The following MYBBP1A variants were observed in gnomAD, a reference collection of about 807,000 sequenced individuals.
MYBBP1A encodes the protein myb-binding protein 1A.
A neutral mutation model predicts 136.3 loss-of-function variants in MYBBP1A; 147 were observed. The ratio of observed to expected loss-of-function variants is 1.08; its 90% CI spans 0.94 to 1.24. MYBBP1A has a LOEUF of 1.24. Among genes scored for constraint, MYBBP1A ranks in the 50% most tolerant of loss-of-function variants. The pLI is 0.00. For synonymous variants in MYBBP1A, 947 were observed against 735.8 expected, an observed-to-expected ratio of 1.29 and a Z score of -4.65; for missense variants, 2,060 against 1,727.4, an observed-to-expected ratio of 1.19 and a Z score of -3.41.
chr17:4,541,706 C>G, intron 23 of MYBBP1A, 78 bp downstream of exon 23: 1 of 1,483,648 alleles, frequency 6.7e-7, no homozygotes, highest in South Asian at 1.1e-5. Flanking sequence ...GGCTCCAATC[C>G]TCACTTCTTT....
chr17:4,551,813 C>CT (rs1350761705), intron 8 of MYBBP1A, 67 bp downstream of exon 8: 13 of 1,464,312 alleles, frequency 8.9e-6, no homozygotes, highest in Admixed American at 1.8e-5. Context: ...CCCTGCTCCC[C>CT]TTTTTGGCAG....
At chr17:4,551,516 C>G (rs1376409108) in intron 8 of MYBBP1A, among the ~76,000 whole-genome samples, 2 of 152,226 alleles carry the variant, frequency 1.3e-5, no homozygotes, top group Admixed American at 6.5e-5. Flanking sequence ...CGAGACCAGC[C>G]TGGCCAACAT....
At position 4,552,620 on chromosome 17, in the gene MYBBP1A, T is replaced by C; in HGVS notation, c.568A>G (p.Lys190Glu). ...ALVDILSEVS[K>E]ATLQEILPEV... ...GGCAGGATCTCCTGCAATGTGGCCT[T>C]CGAGACCTAAGGATGGAGGGAGAAG... is the stretch of plus-strand genomic sequence containing the variant. Residue 190 changes from lysine (K) to glutamate (E), a missense_variant, in exon 6 of 26, where the codon AAG becomes GAG. Transcript: ENST00000254718. This position sits in a 1 kb window ranked among gnomAD's most constrained non-coding sequence, Gnocchi z 4.7. The C allele has an allele frequency of 6.2e-7, 1 of 1,613,096 alleles. No individual in the cohort carries two copies. Among genetic ancestry groups the C allele is most frequent in the Non-Finnish European group, 8.5e-7 (1 of 1,179,544 alleles).
intron 13 of MYBBP1A, 136 bp downstream of exon 13, chr17:4,547,822 G>T: frequency 1.4e-6 from 1 of 692,702 alleles, no homozygotes. Flanking sequence ...GACAAAGTTG[G>T]CTTCAAAAAC....
In MYBBP1A at chr17:4,539,833, G is replaced by A. The variant is rs760205825; in HGVS notation, c.3569C>T (p.Thr1190Met). Residue 1190 changes from threonine (T) to methionine (M), a missense_variant, in exon 26 of 26, where the codon ACG (threonine) becomes ATG (methionine). Transcript: ENST00000254718. ...KRKKRKSEDG[T>M]PAEDGTPAAT... ...TGCAGGTGTGCCATCCTCCGCTGGC[G>A]TGCCATCCTCTGACTTGCGTTTCTT... 28 of 1,610,160 alleles carry A rather than the reference G, an allele frequency of 1.7e-5. No homozygotes were observed. Among genetic ancestry groups the A allele is most frequent in the Non-Finnish European group, 1.8e-5 (21 of 1,180,006 alleles).
chr17:4,541,439 C>T (rs757869314), intron 24 of MYBBP1A, 24 bp downstream of exon 24: 1 of 1,605,080 alleles, frequency 6.2e-7, no homozygotes, highest in East Asian at 2.2e-5. Context: ...CCGAACACGA[C>T]CGCGGACTGG....
chr17:4,553,402 C>T (rs1400507388), intron 5 of MYBBP1A, among the ~76,000 whole-genome samples: 2 of 152,240 alleles, frequency 1.3e-5, no homozygotes, highest in Non-Finnish European at 1.5e-5. Context: ...ATACTTGCCA[C>T]GTGCCAGGCA....
In MYBBP1A at chr17:4,545,132, T is replaced by C. The variant is rs1296704946; in HGVS notation, c.2204A>G (p.Glu735Gly). ...GCTCTCCTCCCCCTCGCTCTCCTCT[T>C]CACTCTCTGAGCTTCTGTTGTCCTC... ...EGEDNRSSES[E>G]EESEGEESEE... Residue 735 changes from glutamate to glycine, a missense_variant, in exon 17 of 26, where the codon GAA becomes GGA. Glu to Gly is a moderately conservative substitution (Grantham distance 98). Coordinates refer to ENST00000254718, the MANE Select transcript of MYBBP1A (RefSeq NM_014520.4). The C allele has an allele frequency of 1.9e-6, 3 of 1,612,820 alleles. No homozygotes were observed. The highest frequency in any genetic ancestry group is 1.7e-6 in the Non-Finnish European group (2 of 1,179,782).
chr17:4,541,955 G>T, intron 22 of MYBBP1A, 64 bp from the exon 23 acceptor site: 1 of 1,367,048 alleles, frequency 7.3e-7, no homozygotes, highest in Non-Finnish European at 1.0e-6. Context: ...GCTCAGGGAT[G>T]CATGAGGGCT....
chr17:4,554,752 C>T (rs1454939785), intron 2 of MYBBP1A, 109 bp downstream of exon 2: 11 of 1,065,098 alleles, frequency 1.0e-5, no homozygotes, highest in Non-Finnish European at 1.5e-5. Flanking sequence ...CACTCCCGAC[C>T]TCTCTCTCGG....
rs554945366 is a variant in MYBBP1A at position 4,539,740 on chromosome 17, G to A, written c.3662C>T (p.Pro1221Leu). The A allele has an allele frequency of 6.2e-7, 1 of 1,612,852 alleles. No homozygotes were observed. The highest frequency in any genetic ancestry group is 1.3e-5 in the African/African-American group (1 of 75,024). Residue 1221 changes from proline (P) to leucine (L), a missense_variant, in exon 26 of 26, where the codon CCA (proline) becomes CTA (leucine). Physicochemically the swap from Pro to Leu is moderately conservative, Grantham distance 98. Transcript: ENST00000254718. ...GGTTGGCGTCCCGTTTGCCTGGGCTGGGACCTTAGCCTTTGTCCTGTTCCT... is the reference window on the plus strand; with the variant it reads ...GGTTGGCGTCCCGTTTGCCTGGGCTAGGACCTTAGCCTTTGTCCTGTTCCT... The part of the protein sequence containing the change: ...KKRNRTKAKV[P>L]AQANGTPTTK...
chr17:4,553,868 T>G lies in MYBBP1A; in HGVS notation c.503A>C (p.Gln168Pro), dbSNP rs1907764738. 6.2e-7 allele frequency: 1 copy of G among 1,613,910 alleles called. No homozygotes were observed. The highest frequency in any genetic ancestry group is 1.3e-5 in the African/African-American group (1 of 74,902). ...KSVKLLQALA[Q>P]YQNHLQEQPR... ...CTGCTCCTGCAAGTGGTTTTGGTACTGGGCCAGGGCCTGCAGCAGCTTCAC... is the reference window on the plus strand; with the variant it reads ...CTGCTCCTGCAAGTGGTTTTGGTACGGGGCCAGGGCCTGCAGCAGCTTCAC... Residue 168 changes from glutamine to proline, a missense_variant, in exon 5 of 26, where the codon CAG becomes CCG. Physicochemically the swap from Gln to Pro is moderately conservative, Grantham distance 76. Transcript: ENST00000254718.
Position 4,548,222 on chromosome 17 carries a change from C to T in MYBBP1A, c.1645G>A (p.Ala549Thr), listed in dbSNP as rs1263706146. ...TGGCTGTGATTCAACAGGAGGTCTG[C>T]GAACTGCACCAGGTGGTAGGTCCAG... ...QPWTYHLVQF[A>T]DLLLNHSHNV... The change falls in exon 12 of 26, where the codon GCA becomes ACA. Residue 549 changes from alanine to threonine, a missense_variant. Ala to Thr is a moderately conservative substitution (Grantham distance 58). Transcript: ENST00000254718. The surrounding 1 kb of genome is among the most constrained non-coding windows in gnomAD (Gnocchi z 4.2). The T allele has an allele frequency of 6.8e-6, 11 of 1,610,248 alleles. No individual in the cohort carries two copies. Among genetic ancestry groups the T allele is most frequent in the Non-Finnish European group, 9.3e-6 (11 of 1,179,954 alleles).
chr17:4,554,573 A>G (rs886094411), intron 2 of MYBBP1A, among the ~76,000 whole-genome samples: 3 of 152,182 alleles, frequency 2.0e-5, no homozygotes, highest in Non-Finnish European at 4.4e-5. Flanking sequence ...AATCAGCTGA[A>G]TGCCTCTGCA....
Position 4,543,038 on chromosome 17 carries a change from G to T in MYBBP1A, c.2767C>A (p.His923Asn), listed in dbSNP as rs547345127. 2 of 1,613,718 alleles carry T rather than the reference G, an allele frequency of 1.2e-6. No homozygotes were observed. Among genetic ancestry groups the T allele is most frequent in the South Asian group, 2.2e-5 (2 of 91,080 alleles). Reference sequence around the variant, plus strand: ...AGCAGGTAGAGAGAGGCGTTGAAGTGGTAGAGGGCGGTGGGGGAGTCGGGC... The same window carrying T: ...AGCAGGTAGAGAGAGGCGTTGAAGTTGTAGAGGGCGGTGGGGGAGTCGGGC... The part of the protein sequence containing the change: ...RQPDSPTALY[H>N]FNASLYLLRV... Residue 923 changes from histidine to asparagine, a missense_variant, in exon 20 of 26, where the codon CAC becomes AAC. His to Asn is a moderately conservative substitution (Grantham distance 68, BLOSUM62 1). Transcript: ENST00000254718.
chr17:4,548,792 G>A lies in MYBBP1A; in HGVS notation c.1431-143C>T. 4 of 1,166,804 alleles carry A rather than the reference G, an allele frequency of 3.4e-6. No homozygotes were observed. The highest frequency in any genetic ancestry group is 4.8e-6 in the Non-Finnish European group (4 of 840,024). The allele number at this position is 1,166,804 out of a possible 1,614,324, so 72.3% of individuals were successfully genotyped here. Reference sequence around the variant, plus strand: ...CCCTGGGTACAGTCCTCGGGGGCCTGACGGGCAAGGCTGGAGGGGGCTGGG... The same window carrying A: ...CCCTGGGTACAGTCCTCGGGGGCCTAACGGGCAAGGCTGGAGGGGGCTGGG... On this transcript the variant is annotated intron_variant, in intron 10 of 25. Coordinates refer to ENST00000254718, the MANE Select transcript of MYBBP1A (RefSeq NM_014520.4). The surrounding 1 kb of genome is among the most constrained non-coding windows in gnomAD (Gnocchi z 4.2).
chr17:4,545,412 C>T, intron 15 of MYBBP1A, 67 bp from the exon 16 acceptor site: 1 of 1,592,164 alleles, frequency 6.3e-7, no homozygotes, highest in Admixed American at 1.7e-5. Context: ...CCCACTCAGC[C>T]TTGACCAAAG....
chr17:4,554,775 C>T (rs759828528), intron 2 of MYBBP1A, 86 bp downstream of exon 2: 25 of 1,341,554 alleles, frequency 1.9e-5, no homozygotes, highest in Non-Finnish European at 2.4e-5. Flanking sequence ...TGCCCCTCCG[C>T]CACAGCTGAG....
At chr17:4,553,983 C>T (rs1555542963) in intron 4 of MYBBP1A, 36 bp downstream of exon 4, 6 of 1,613,876 alleles carry the variant, frequency 3.7e-6, no homozygotes, top group Non-Finnish European at 4.2e-6. Flanking sequence ...CATCCCAAGC[C>T]AGCCTACATT....
Sources: gnomAD v4.1 joint callset for allele counts (sites outside exome capture counted in the v4.1 genomes callset) on GRCh38, gnomAD v4.1.1 for gene constraint, Gnocchi (gnomAD v3.1) non-coding constraint, MANE v1.5 for transcripts, NCBI Gene and HGNC (gene_info 2026-07-23, HGNC 2026-07-21) for gene names.